The following ADGRB2 variants were observed in gnomAD, a reference collection of about 807,000 sequenced individuals.
ADGRB2 encodes adhesion G protein-coupled receptor B2.
In ADGRB2, 47 loss-of-function variants were observed where a neutral mutation model predicts 178.7. The observed-to-expected ratio is 0.26, with a 90% CI of 0.21 to 0.34. The LOEUF is 0.34. ADGRB2 is among the 10% of genes least tolerant of loss of function. The pLI, the probability that ADGRB2 is intolerant of heterozygous loss-of-function variation, is 1.00. For missense variants in ADGRB2, 1,584 were observed against 2,180.8 expected, an observed-to-expected ratio of 0.73 and a Z score of 5.45; for synonymous variants, 870 against 912.4, an observed-to-expected ratio of 0.95 and a Z score of 0.84.
At chr1:31,760,381 C>T (rs572531414) in intron 1 of ADGRB2, among the ~76,000 whole-genome samples, 1 of 152,318 alleles carries the variant, frequency 6.6e-6, no homozygotes, top group Admixed American at 6.5e-5. Context: ...GAATCTCACT[C>T]TGCCCAAACA....
At chr1:31,752,372 T>C (rs986527680) in intron 4 of ADGRB2, among the ~76,000 whole-genome samples, 14 of 151,936 alleles carry the variant, frequency 9.2e-5, no homozygotes, top group Middle Eastern at 3.2e-3. Flanking sequence ...TTCCAGGAAA[T>C]ACCACCACCG....
chr1:31,734,419 C>T (rs1017076106), intron 25 of ADGRB2, among the ~76,000 whole-genome samples: 5 of 152,152 alleles, frequency 3.3e-5, no homozygotes, highest in South Asian at 2.1e-4. Flanking sequence ...CTAGTGCAGA[C>T]GGGGTGAGGG....
rs551692750 is a variant in ADGRB2 at position 31,761,747 on chromosome 1, G to C, written c.-191+2137C>G. 6.6e-6 allele frequency among the ~76,000 whole-genome samples: 1 copy of C among 152,162 alleles called. No homozygotes were observed. Among genetic ancestry groups the C allele is most frequent in the Non-Finnish European group, 1.5e-5 (1 of 68,042 alleles). On this transcript the variant is annotated intron_variant, in intron 1 of 32. Transcript: ENST00000373658. The surrounding 1 kb of genome is among the most constrained non-coding windows in gnomAD (Gnocchi z 4.2). ...TATTATACTGGGGGTTGGAGTGAAG[G>C]CACTGGAACCTGTTTTTCATTTTTC...
Position 31,731,032 on chromosome 1 carries a change from C to CG in ADGRB2, c.4147dup (p.Arg1383ProfsTer11), listed in dbSNP as rs1645254815. 3.2e-6 allele frequency: 5 copies of CG among 1,585,862 alleles called. No individual in the cohort carries two copies. Among genetic ancestry groups the CG allele is most frequent in the Non-Finnish European group, 4.3e-6 (5 of 1,163,520 alleles). On this transcript the variant is annotated frameshift_variant, in exon 29 of 33. Transcript: ENST00000373658. LOFTEE classifies it high-confidence loss of function. ...GTGGGCCACTGTCTTGGCAGCTCGC[C>CG]GGGGGGTCCCCTCCGGCCGGGCCCT...
In ADGRB2 at chr1:31,744,387, G is replaced by C. The variant is rs1202511386; in HGVS notation, c.923-30C>G. ...GAGAGAGGGACAGCGTCGGCGGCAG[G>C]GGGCACCTCCCAAGCACTCAGTCTC... On this transcript the variant is annotated intron_variant, in intron 5 of 32. Coordinates refer to ENST00000373658, the MANE Select transcript of ADGRB2 (RefSeq NM_001364857.2). This position sits in a 1 kb window ranked among gnomAD's most constrained non-coding sequence, Gnocchi z 6.7. The C allele has an allele frequency of 1.3e-6, 2 of 1,546,422 alleles. No individual in the cohort carries two copies. The highest frequency in any genetic ancestry group is 1.7e-6 in the Non-Finnish European group (2 of 1,146,106).
chr1:31,731,044 T>C lies in ADGRB2; in HGVS notation c.4136A>G (p.Glu1379Gly). The C allele has an allele frequency of 6.3e-7, 1 of 1,586,258 alleles. No homozygotes were observed. Among genetic ancestry groups the C allele is most frequent in the East Asian group, 2.3e-5 (1 of 44,070 alleles). Residue 1379 changes from glutamate (E) to glycine (G), a missense_variant, in exon 29 of 33, where the codon GAG becomes GGG. Physicochemically the swap from Glu to Gly is moderately conservative, Grantham distance 98. Around this residue, in one of 3 missense-constraint regions of ADGRB2, gnomAD observed 865 missense variants for 1,192.8 expected, o/e 0.73. Transcript: ENST00000373658. ...CTTGGCAGCTCGCCGGGGGGTCCCCTCCGGCCGGGCCCTGGGGGCATCCTC... is the reference window on the plus strand; with the variant it reads ...CTTGGCAGCTCGCCGGGGGGTCCCCCCCGGCCGGGCCCTGGGGGCATCCTC... Reference protein sequence around the residue: ...GGEDAPRARPEGTPRRAAKTV... With the variant: ...GGEDAPRARPGGTPRRAAKTV...
chr1:31,738,258 C>T lies in ADGRB2; in HGVS notation c.2714G>A (p.Arg905His), dbSNP rs779516984. 1.3e-4 allele frequency: 216 copies of T among 1,613,910 alleles called. No individual in the cohort carries two copies. The highest frequency in any genetic ancestry group is 1.7e-4 in the Non-Finnish European group (196 of 1,179,992). The stretch of plus-strand genomic sequence containing the variant: ...GGTGGACAGGTGCTGGCACTGGCAG[C>T]GGGTGTGAGCTGCCTGGGTCTCCAG... Reference protein sequence around the residue: ...QTLETQAAHTRCQCQHLSTFA... With the variant: ...QTLETQAAHTHCQCQHLSTFA... The change falls in exon 18 of 33, where the codon CGC (arginine) becomes CAC (histidine). Residue 905 changes from arginine to histidine, a missense_variant. Around this residue, in one of 3 missense-constraint regions of ADGRB2, gnomAD observed 865 missense variants for 1,192.8 expected, o/e 0.73. Coordinates refer to ENST00000373658, the MANE Select transcript of ADGRB2 (RefSeq NM_001364857.2).
chr1:31,735,049 GGT>G lies in ADGRB2; in HGVS notation c.3452+132_3452+133del. 1 of 887,268 alleles carries G rather than the reference GGT, an allele frequency of 1.1e-6. No homozygotes were observed. Among genetic ancestry groups the G allele is most frequent in the Non-Finnish European group, 1.6e-6 (1 of 626,966 alleles). 55.0% of individuals were successfully genotyped at this position (887,268 alleles called of 1,614,324 possible). ...TCTTGCCGAGCCCTTGAGAGTGTGT[GGT>G]GGCTGGCAGGAAAGGGCAAGCTTTC... On this transcript the variant is annotated intron_variant, in intron 25 of 32. Transcript: ENST00000373658. The surrounding 1 kb of genome is among the most constrained non-coding windows in gnomAD (Gnocchi z 6.0).
chr1:31,727,281 G>C lies in ADGRB2; in HGVS notation c.*139C>G. 8.2e-6 allele frequency: 9 copies of C among 1,093,480 alleles called. No individual in the cohort carries two copies. The highest frequency in any genetic ancestry group is 2.5e-6 in the Non-Finnish European group (2 of 808,410). The allele number at this position is 1,093,480 out of a possible 1,614,324, so 67.7% of individuals were successfully genotyped here. A position where few individuals can be genotyped will look rare whatever the true frequency, so the allele number is the denominator to read the frequency against. Reference sequence around the variant, plus strand: ...GGCCAAGCCATGTCCGGCTCCCCCAGCCTGGCTGAGTCCACGGCGCCTCCC... The same window carrying C: ...GGCCAAGCCATGTCCGGCTCCCCCACCCTGGCTGAGTCCACGGCGCCTCCC... On this transcript the variant is annotated 3_prime_UTR_variant, in exon 33 of 33. Transcript: ENST00000373658. This position sits in a 1 kb window ranked among gnomAD's most constrained non-coding sequence, Gnocchi z 4.4.
At chr1:31,747,669 AG>A (rs1646346449) in intron 4 of ADGRB2, among the ~76,000 whole-genome samples, 1 of 152,226 alleles carries the variant, frequency 6.6e-6, no homozygotes, top group Admixed American at 6.5e-5. Context: ...CGTTGAGGGA[AG>A]GCTGTGAGTC....
At position 31,736,365 on chromosome 1, in the gene ADGRB2, C is replaced by T. The variant is rs1486515675; in HGVS notation, c.3156G>A (p.Val1052=). Residue 1052 remains valine, a synonymous_variant, in exon 22 of 33, where the codon GTG becomes GTA. Coordinates refer to ENST00000373658, the MANE Select transcript of ADGRB2 (RefSeq NM_001364857.2). ...CTTTCGTTCGGGTAAAGCCAACAGA[C>T]ACGGCCACCACCAGGGCAGGCAGAC... is the stretch of plus-strand genomic sequence containing the variant. The part of the protein sequence containing the change: ...GWGLPALVVA[V]SVGFTRTKGY... The T allele has an allele frequency of 1.9e-6, 3 of 1,614,072 alleles. No individual in the cohort carries two copies. The highest frequency in any genetic ancestry group is 1.7e-5 in the Admixed American group (1 of 60,010).
Position 31,752,787 on chromosome 1 carries a change from C to T in ADGRB2, c.838+3212G>A, listed in dbSNP as rs550012648. Among the ~76,000 whole-genome samples the T allele has an allele frequency of 4.6e-5, 7 of 152,094 alleles. No individual in the cohort carries two copies. The South Asian group carries it at 1.5e-3, about 32-fold the overall frequency. On this transcript the variant is annotated intron_variant, in intron 4 of 32. Transcript: ENST00000373658. ...CGATCAGGGGGTGACACACAGATAA[C>T]TGGGGGTTCTGAGGCCCCAAGATGG...
intron 21 of ADGRB2, 83 bp from the exon 22 acceptor site, chr1:31,736,473 C>A: frequency 6.2e-7 from 1 of 1,601,842 alleles, no homozygotes; most frequent in South Asian, 1.1e-5. Flanking sequence ...CCCAGCTGAC[C>A]CCTGTGCCCA....
chr1:31,753,130 T>A lies in ADGRB2; in HGVS notation c.838+2869A>T. Among the ~76,000 whole-genome samples the A allele has an allele frequency of 6.6e-6, 1 of 152,146 alleles. No homozygotes were observed. Among genetic ancestry groups the A allele is most frequent in the Non-Finnish European group, 1.5e-5 (1 of 67,992 alleles). ...AGGAACTGCAGGCTGGCACTGGCCA[T>A]CAGGAGCTGAGCCCTGCAGCTGGCA... On this transcript the variant is annotated intron_variant, in intron 4 of 32. Coordinates refer to ENST00000373658, the MANE Select transcript of ADGRB2 (RefSeq NM_001364857.2). This position sits in a 1 kb window ranked among gnomAD's most constrained non-coding sequence, Gnocchi z 4.1.
At chr1:31,734,081 A>G (rs1645440565) in intron 25 of ADGRB2, among the ~76,000 whole-genome samples, 1 of 152,142 alleles carries the variant, frequency 6.6e-6, no homozygotes, top group African/African-American at 2.4e-5. Context: ...GACCTGCCCT[A>G]GGAAGTGCAG....
chr1:31,763,368 A>G (rs1343269713), intron 1 of ADGRB2, among the ~76,000 whole-genome samples: 1 of 151,258 alleles, frequency 6.6e-6, no homozygotes, highest in Non-Finnish European at 1.5e-5. Flanking sequence ...GGGAGGGTAG[A>G]AACTATGGGC....
chr1:31,756,783 G>C lies in ADGRB2; in HGVS notation c.54C>G (p.Pro18=), dbSNP rs1331869055. 2 of 1,502,190 alleles carry C rather than the reference G, an allele frequency of 1.3e-6. No individual in the cohort carries two copies. The highest frequency in any genetic ancestry group is 1.8e-6 in the Non-Finnish European group (2 of 1,122,180). 93.1% of individuals were successfully genotyped at this position (1,502,190 alleles called of 1,614,324 possible). A position where few individuals can be genotyped will look rare whatever the true frequency, so the allele number is the denominator to read the frequency against. ...GKGHRMTPAC[P]LLLSVILSLR... is the part of the protein sequence containing the mutation. ...GGGACAGAATCACAGACAGTAAGAGGGGACAGGCTGGGGTCATCCTATGTC... is the reference window on the plus strand; with the variant it reads ...GGGACAGAATCACAGACAGTAAGAGCGGACAGGCTGGGGTCATCCTATGTC... Residue 18 remains proline (P), a synonymous_variant, in exon 4 of 33, where the codon CCC becomes CCG. Coordinates refer to ENST00000373658, the MANE Select transcript of ADGRB2 (RefSeq NM_001364857.2). The surrounding 1 kb of genome is among the most constrained non-coding windows in gnomAD (Gnocchi z 8.5).
Position 31,758,821 on chromosome 1 carries a change from G to C in ADGRB2, c.-190-1310C>G, listed in dbSNP as rs1646951485. On this transcript the variant is annotated intron_variant, in intron 1 of 32. Transcript: ENST00000373658. The surrounding 1 kb of genome is among the most constrained non-coding windows in gnomAD (Gnocchi z 4.2). ...CCCTCCTCCTCAGAGCTGAAAAAGG[G>C]ATCAGACCCCTGGTCTTTCCCACCC... is the stretch of plus-strand genomic sequence containing the variant. The C allele has an allele frequency of 6.1e-6, 1 of 163,246 alleles. No homozygotes were observed. Among genetic ancestry groups the C allele is most frequent in the Non-Finnish European group, 1.4e-5 (1 of 73,122 alleles). The allele number at this position is 163,246 out of a possible 1,614,324, so 10.1% of individuals were successfully genotyped here. A position where few individuals can be genotyped will look rare whatever the true frequency, so the allele number is the denominator to read the frequency against.
chr1:31,733,226 C>T lies in ADGRB2; in HGVS notation c.3453-83G>A. 1 of 1,441,486 alleles carries T rather than the reference C, an allele frequency of 6.9e-7. No individual in the cohort carries two copies. Among genetic ancestry groups the T allele is most frequent in the Middle Eastern group, 2.5e-4 (1 of 4,056 alleles). 89.3% of individuals were successfully genotyped at this position (1,441,486 alleles called of 1,614,324 possible). On this transcript the variant is annotated intron_variant, in intron 25 of 32. Coordinates refer to ENST00000373658, the MANE Select transcript of ADGRB2 (RefSeq NM_001364857.2). This position sits in a 1 kb window ranked among gnomAD's most constrained non-coding sequence, Gnocchi z 4.3. ...AGCCTAGGCCTCCACTCAGCTGGAGCTCTTCAGCTGCCCAAGACTGGGAGG... is the reference window on the plus strand; with the variant it reads ...AGCCTAGGCCTCCACTCAGCTGGAGTTCTTCAGCTGCCCAAGACTGGGAGG...
Sources: gnomAD v4.1 joint callset for allele counts (sites outside exome capture counted in the v4.1 genomes callset) on GRCh38, gnomAD v4.1.1 for gene constraint, gnomAD v4.1.1 regional missense constraint, Gnocchi (gnomAD v3.1) non-coding constraint, MANE v1.5 for transcripts, NCBI Gene and HGNC (gene_info 2026-07-23, HGNC 2026-07-21) for gene names.